Variants in DTWD2 observed in about 807,000 individuals in gnomAD.
DTWD2 encodes the protein DTW motif tRNA-uridine aminocarboxypropyltransferase 2.
In DTWD2, 39 loss-of-function variants were observed where a neutral mutation model predicts 31.8. That is an observed-to-expected ratio of 1.22 (90% CI 0.95 to 1.60). The LOEUF (loss-of-function observed/expected upper bound fraction) is 1.60, where lower values mean the gene tolerates loss of function less well. Among genes scored for constraint, DTWD2 ranks in the 40% most tolerant of loss-of-function variants. DTWD2 has a pLI of 0.00. For missense variants in DTWD2, 515 were observed against 381.5 expected (o/e 1.35, Z -2.92); for synonymous variants, 180 against 142.8 (o/e 1.26, Z -1.86).
At chr5:118,955,692 G>A (rs1754568862) in intron 1 of DTWD2, among the ~76,000 whole-genome samples, 1 of 151,916 alleles carries the variant, frequency 6.6e-6, no homozygotes, top group East Asian at 1.9e-4. Flanking sequence ...CTACTCAGGA[G>A]GCTAAGGCAG....
chr5:118,887,667 G>A (rs748759265), intron 4 of DTWD2, among the ~76,000 whole-genome samples: 1 of 152,110 alleles, frequency 6.6e-6, no homozygotes, highest in African/African-American at 2.4e-5. Context: ...TACACAGGAC[G>A]GAGGGCAGGA....
intron 4 of DTWD2, among the ~76,000 whole-genome samples, chr5:118,883,120 A>C (rs1377511097): frequency 6.6e-6 from 1 of 152,224 alleles, no homozygotes; most frequent in African/African-American, 2.4e-5. Context: ...TCTGCCAGGT[A>C]CCCTAAATCA....
intron 4 of DTWD2, among the ~76,000 whole-genome samples, chr5:118,917,272 A>G (rs1753598561): frequency 6.6e-6 from 1 of 152,186 alleles, no homozygotes; most frequent in Non-Finnish European, 1.5e-5. Context: ...TAAGAAGGAC[A>G]TTTTACAAAA....
intron 4 of DTWD2, among the ~76,000 whole-genome samples, chr5:118,870,190 T>C (rs1033458703): frequency 7.2e-5 from 11 of 152,230 alleles, no homozygotes; most frequent in Admixed American, 2.0e-4. Context: ...GTATTCCATA[T>C]AGCAATGCAA....
chr5:118,939,424 T>A (rs958478712), intron 2 of DTWD2, 134 bp from the exon 3 acceptor site: 1 of 686,910 alleles, frequency 1.5e-6, no homozygotes, highest in Middle Eastern at 4.4e-4. Flanking sequence ...CACAGTTTAA[T>A]AAAAAGAGGT....
intron 1 of DTWD2, among the ~76,000 whole-genome samples, chr5:118,966,109 T>G (rs1754842055): frequency 6.6e-6 from 1 of 152,328 alleles, no homozygotes; most frequent in Admixed American, 6.5e-5. Context: ...GGTGCAGTCA[T>G]GCATTGCCTA....
chr5:118,850,328 A>T (rs977778475), intron 4 of DTWD2, among the ~76,000 whole-genome samples: 1 of 146,836 alleles, frequency 6.8e-6, no homozygotes, highest in Non-Finnish European at 1.5e-5. Context: ...AAAAAAAAAA[A>T]CATTGCCAGG....
chr5:118,892,528 A>T (rs1752996798), intron 4 of DTWD2, among the ~76,000 whole-genome samples: 1 of 152,156 alleles, frequency 6.6e-6, no homozygotes, highest in Non-Finnish European at 1.5e-5. Flanking sequence ...CATGAAATGT[A>T]TATTTGACAA....
intron 1 of DTWD2, among the ~76,000 whole-genome samples, chr5:118,963,574 GCAGA>G (rs1253762336): frequency 6.6e-6 from 1 of 152,162 alleles, no homozygotes; most frequent in Non-Finnish European, 1.5e-5. Flanking sequence ...AATAAAATGA[GCAGA>G]CAGACATGTT....
At chr5:118,938,845 G>GA (rs1173603042) in intron 3 of DTWD2, among the ~76,000 whole-genome samples, 8,031 of 82,594 alleles carry the variant, frequency 0.097, 841 homozygotes, top group African/African-American at 0.29. Flanking sequence ...AGATATTTAA[G>GA]AAAAAAAAAA....
intron 1 of DTWD2, among the ~76,000 whole-genome samples, chr5:118,964,082 C>T (rs560932287): frequency 4.6e-5 from 7 of 152,034 alleles, no homozygotes; most frequent in Admixed American, 6.6e-5. Context: ...TGGTGGCTCA[C>T]GCTTGTAATT....
intron 4 of DTWD2, among the ~76,000 whole-genome samples, chr5:118,910,781 G>C (rs1325159855): frequency 6.6e-6 from 1 of 152,164 alleles, no homozygotes; most frequent in Non-Finnish European, 1.5e-5. Flanking sequence ...ATTGTTCACA[G>C]TTCGGGAGCA....
chr5:118,954,059 A>G (rs1580434272), intron 1 of DTWD2, among the ~76,000 whole-genome samples: 1 of 152,298 alleles, frequency 6.6e-6, no homozygotes, highest in African/African-American at 2.4e-5. Flanking sequence ...TCACTTGAGC[A>G]CAGGAATTCG....
rs140956349 is a variant in DTWD2, at chr5:118,916,336, C to A, written c.597+12201G>T. Among the ~76,000 whole-genome samples, 305 of 152,192 alleles carry A rather than the reference C, an allele frequency of 2.0e-3. 3 individuals are homozygous for A. The highest frequency in any genetic ancestry group is 0.017 in the Admixed American group (257 of 15,290). ...TTTAGTGGCAGTAAATAAAAGAGAT[C>A]CCATACTCTGATTTATAATACATCA... On this transcript the variant is annotated intron_variant, in intron 4 of 5. Transcript: ENST00000510708.
chr5:118,842,513 C>A (rs564371350), intron 5 of DTWD2, among the ~76,000 whole-genome samples: 6 of 152,098 alleles, frequency 3.9e-5, no homozygotes, highest in Non-Finnish European at 7.4e-5. Context: ...AAACTTGTCC[C>A]TGAATTCTTT....
Position 118,928,582 on chromosome 5 carries a change from A to T in DTWD2, c.552T>A (p.Ala184=), listed in dbSNP as rs1561459019. The part of the protein sequence containing the change: ...IIIIDGTWSQ[A]KDIFYKNSLF... ...AGGAGTTCTTATAGAAAATGTCCTT[A>T]GCCTGGCTCCATGTACCATCAATGA... Residue 184 remains alanine (A), a synonymous_variant, in exon 4 of 6, where the codon GCT becomes GCA. Transcript: ENST00000510708. 2 of 1,555,752 alleles carry T rather than the reference A, an allele frequency of 1.3e-6. No individual in the cohort carries two copies. Among genetic ancestry groups the T allele is most frequent in the Non-Finnish European group, 1.7e-6 (2 of 1,152,240 alleles).
chr5:118,984,163 C>T (rs1289665512), intron 1 of DTWD2, among the ~76,000 whole-genome samples: 1 of 152,258 alleles, frequency 6.6e-6, no homozygotes, highest in East Asian at 1.9e-4. Flanking sequence ...GTGATGCATG[C>T]CTGTAATCCC....
intron 4 of DTWD2, among the ~76,000 whole-genome samples, chr5:118,912,271 T>C (rs1304917957): frequency 6.6e-6 from 1 of 152,204 alleles, no homozygotes; most frequent in Non-Finnish European, 1.5e-5. Context: ...GGACTGAAAA[T>C]GGCAGGAGTG....
At chr5:118,978,897 C>G (rs896552265) in intron 1 of DTWD2, among the ~76,000 whole-genome samples, 2 of 151,620 alleles carry the variant, frequency 1.3e-5, no homozygotes, top group African/African-American at 4.9e-5. Context: ...TCCCAGCTAC[C>G]TGGGAGGCTG....
Sources: gnomAD v4.1 joint callset for allele counts (sites outside exome capture counted in the v4.1 genomes callset) on GRCh38, gnomAD v4.1.1 for gene constraint, MANE v1.5 for transcripts, NCBI Gene and HGNC (gene_info 2026-07-23, HGNC 2026-07-21) for gene names.